FSTL5: variants seen among roughly 807,000 people sequenced by gnomAD.
The protein encoded by FSTL5 is follistatin like 5, also known as follistatin-related protein 5.
FSTL5 carries 62 observed loss-of-function variants against 89.1 expected under a neutral mutation model. That is an observed-to-expected ratio of 0.70 (90% CI 0.57 to 0.86). The LOEUF (loss-of-function observed/expected upper bound fraction) is 0.86, where lower values mean the gene tolerates loss of function less well. Ranked by LOEUF, FSTL5 falls within the 40% of genes least tolerant of loss-of-function variation. FSTL5 has a pLI of 0.00. For missense variants in FSTL5, 1,057 were observed against 1,001.6 expected (o/e 1.06, Z -0.75); for synonymous variants, 383 against 346.2 (o/e 1.11, Z -1.18).
chr4:161,668,898 G>C (rs1736987544), intron 6 of FSTL5, among the ~76,000 whole-genome samples: 1 of 151,596 alleles, frequency 6.6e-6, no homozygotes. Flanking sequence ...GATCACCTGA[G>C]GTCAGGAGTT....
intron 12 of FSTL5, among the ~76,000 whole-genome samples, chr4:161,487,995 T>C (rs1393854595): frequency 6.6e-6 from 1 of 152,034 alleles, no homozygotes; most frequent in African/African-American, 2.4e-5. Context: ...GAGCTATTTG[T>C]GAATATGCTA....
intron 6 of FSTL5, among the ~76,000 whole-genome samples, chr4:161,743,738 A>G (rs1474855233): frequency 6.6e-6 from 1 of 152,164 alleles, no homozygotes; most frequent in Non-Finnish European, 1.5e-5. Context: ...AAAAATTGGC[A>G]TAGATCAGAA....
intron 15 of FSTL5, among the ~76,000 whole-genome samples, chr4:161,450,920 A>C (rs1476960867): frequency 2.6e-5 from 4 of 151,520 alleles, no homozygotes; most frequent in African/African-American, 4.9e-5. Flanking sequence ...ATTTTTATGC[A>C]TTTTCAGTAG....
intron 6 of FSTL5, among the ~76,000 whole-genome samples, chr4:161,744,444 A>T (rs1391997471): frequency 2.6e-5 from 4 of 152,152 alleles, no homozygotes; most frequent in African/African-American, 7.2e-5. Context: ...AGTGGTATAC[A>T]TCTTTCCCTA....
Position 161,628,719 on chromosome 4 carries a change from C to T in FSTL5, c.894+27609G>A, listed in dbSNP as rs558493039. On this transcript the variant is annotated intron_variant, in intron 7 of 15. Coordinates refer to ENST00000306100, the MANE Select transcript of FSTL5 (RefSeq NM_020116.5). ...TCCATTACTAATTGGTAATTTATTC[C>T]TTTTAACTTCCTATCAGGTTGGCCC... Among the ~76,000 whole-genome samples the T allele has an allele frequency of 1.4e-3, 206 of 152,148 alleles. 1 individual carries two copies. The highest frequency in any genetic ancestry group is 6.8e-3 in the Middle Eastern group (2 of 294).
chr4:161,896,153 C>G (rs1467095032), intron 4 of FSTL5, among the ~76,000 whole-genome samples: 1 of 152,132 alleles, frequency 6.6e-6, no homozygotes, highest in Non-Finnish European at 1.5e-5. Context: ...TCTAAACTCT[C>G]AAAACGACTG....
intron 12 of FSTL5, among the ~76,000 whole-genome samples, chr4:161,493,792 T>A (rs1368514426): frequency 6.6e-6 from 1 of 152,128 alleles, no homozygotes; most frequent in Non-Finnish European, 1.5e-5. Flanking sequence ...CGATGTATTA[T>A]CTGAGACACA....
rs185472088 is a variant in FSTL5 at position 162,082,949 on chromosome 4, C to T, written c.126+28322G>A. On this transcript the variant is annotated intron_variant, in intron 2 of 15. Coordinates refer to ENST00000306100, the MANE Select transcript of FSTL5 (RefSeq NM_020116.5). ...CTTCCATACATACCATAAAGTAAATCAATATCAAATACAAATTTGAATGGT... is the reference window on the plus strand; with the variant it reads ...CTTCCATACATACCATAAAGTAAATTAATATCAAATACAAATTTGAATGGT... 2.2e-3 allele frequency among the ~76,000 whole-genome samples: 328 copies of T among 151,516 alleles called. 1 individual carries two copies. The highest frequency in any genetic ancestry group is 3.6e-3 in the Non-Finnish European group (243 of 67,644).
At chr4:161,792,584 G>T (rs1037542700) in intron 4 of FSTL5, among the ~76,000 whole-genome samples, 1 of 152,074 alleles carries the variant, frequency 6.6e-6, no homozygotes, top group Non-Finnish European at 1.5e-5. Flanking sequence ...CTGTGAAGCC[G>T]AGAAAAACCC....
At chr4:162,152,497 T>C (rs1733265792) in intron 1 of FSTL5, among the ~76,000 whole-genome samples, 1 of 152,156 alleles carries the variant, frequency 6.6e-6, no homozygotes, top group Non-Finnish European at 1.5e-5. Context: ...TATTATTTCT[T>C]TTGCTTTTTT....
At position 161,385,192 on chromosome 4, in the gene FSTL5, G is replaced by GT. The variant is rs112000908; in HGVS notation, c.*554dup. On this transcript the variant is annotated 3_prime_UTR_variant, in exon 16 of 16. Transcript: ENST00000306100. ...GAAGACAGGATTTGGTGCAAGAGAT[G>GT]TTTTTTAACAACAAGAGATTTATAG... The GT allele has an allele frequency of 3.9e-5, 6 of 153,272 alleles. No homozygotes were observed. Among genetic ancestry groups the GT allele is most frequent in the African/African-American group, 1.2e-4 (5 of 41,550 alleles). 9.5% of individuals were successfully genotyped at this position (153,272 alleles called of 1,614,324 possible).
intron 7 of FSTL5, among the ~76,000 whole-genome samples, chr4:161,639,659 A>G (rs1735875473): frequency 6.6e-6 from 1 of 152,156 alleles, no homozygotes; most frequent in Non-Finnish European, 1.5e-5. Flanking sequence ...TTGGAAAGCA[A>G]TTTGAGATGA....
chr4:161,900,008 A>G (rs571023250), intron 4 of FSTL5, among the ~76,000 whole-genome samples: 1 of 152,242 alleles, frequency 6.6e-6, no homozygotes, highest in Admixed American at 6.5e-5. Flanking sequence ...CAGCCTAGGC[A>G]ACATGGAGAA....
chr4:161,416,285 C>G (rs1482640545), intron 15 of FSTL5, among the ~76,000 whole-genome samples: 1 of 152,146 alleles, frequency 6.6e-6, no homozygotes, highest in Non-Finnish European at 1.5e-5. Flanking sequence ...GTTTAGACAA[C>G]TGACAGAGCC....
At chr4:162,130,673 CTTAT>C (rs894827929) in intron 1 of FSTL5, among the ~76,000 whole-genome samples, 2 of 152,010 alleles carry the variant, frequency 1.3e-5, no homozygotes, top group Admixed American at 6.6e-5. Context: ...GAGTGATTAC[CTTAT>C]TTGAGGCTCT....
rs1732880628 is a variant in FSTL5 at position 161,444,532 on chromosome 4, G to A, written c.1841+10472C>T. Among the ~76,000 whole-genome samples, 3 of 151,664 alleles carry A rather than the reference G, an allele frequency of 2.0e-5. No homozygotes were observed. In the South Asian group the frequency reaches 6.2e-4, roughly 31 times the overall value. Reference sequence around the variant, plus strand: ...AAATAATGAAAATTCAAAATGCCAAGAGGACTTCAATTAGGGAAATTTCAA... The same window carrying A: ...AAATAATGAAAATTCAAAATGCCAAAAGGACTTCAATTAGGGAAATTTCAA... On this transcript the variant is annotated intron_variant, in intron 15 of 15. Transcript: ENST00000306100.
intron 12 of FSTL5, among the ~76,000 whole-genome samples, chr4:161,484,983 G>C (rs190246081): frequency 1.7e-3 from 257 of 151,650 alleles, no homozygotes; most frequent in African/African-American, 6.0e-3. Context: ...TCTTTTAATG[G>C]TTGGAAAAAA....
intron 7 of FSTL5, among the ~76,000 whole-genome samples, chr4:161,649,546 A>C (rs1736264902): frequency 6.6e-6 from 1 of 152,234 alleles, no homozygotes; most frequent in Non-Finnish European, 1.5e-5. Flanking sequence ...GAGTTGGTTA[A>C]ATTTGAAATA....
intron 6 of FSTL5, among the ~76,000 whole-genome samples, chr4:161,742,110 TA>T (rs1045688192): frequency 3.4e-4 from 51 of 149,600 alleles, no homozygotes; most frequent in Non-Finnish European, 2.4e-4. Context: ...AGTTTGTGAG[TA>T]AAAAAAAAGA....
Sources: allele counts gnomAD v4.1 joint callset (sites outside exome capture counted in the v4.1 genomes callset), GRCh38; gene constraint gnomAD v4.1.1; transcripts MANE v1.5; gene names NCBI Gene and HGNC (gene_info 2026-07-23, HGNC 2026-07-21).